Variants in AGMO observed in about 807,000 individuals in gnomAD.
AGMO encodes the protein alkylglycerol monooxygenase.
In AGMO, 75 loss-of-function variants were observed where a neutral mutation model predicts 60.2. The observed-to-expected ratio is 1.25, with a 90% CI of 1.03 to 1.51. The LOEUF (loss-of-function observed/expected upper bound fraction) is 1.51, where lower values mean the gene tolerates loss of function less well. Among genes scored for constraint, AGMO ranks in the 40% most tolerant of loss-of-function variants. AGMO has a pLI of 0.00. For synonymous variants in AGMO, 261 were observed against 177.1 expected, an observed-to-expected ratio of 1.47 and a Z score of -3.76; for missense variants, 763 against 525.5, an observed-to-expected ratio of 1.45 and a Z score of -4.42.
At chr7:15,285,596 T>G (rs1366689558) in intron 12 of AGMO, among the ~76,000 whole-genome samples, 1 of 152,164 alleles carries the variant, frequency 6.6e-6, no homozygotes, top group South Asian at 2.1e-4. Context: ...TGGAAACATA[T>G]CCCAGGCCCT....
At chr7:15,462,971 C>A (rs73290415) in intron 3 of AGMO, among the ~76,000 whole-genome samples, 3,623 of 152,204 alleles carry the variant, frequency 0.024, 149 homozygotes, top group African/African-American at 0.081. Flanking sequence ...AGGAAGGACC[C>A]TTTGCCCAGA....
the AGMO span, among the ~76,000 whole-genome samples, chr7:15,176,347 G>C: frequency 6.6e-6 from 1 of 151,842 alleles, no homozygotes; most frequent in Non-Finnish European, 1.5e-5. Flanking sequence ...AACTGACTCA[G>C]TTTTTCCCTT....
At chr7:15,244,192 T>A (rs149601480) in intron 12 of AGMO, among the ~76,000 whole-genome samples, 2,370 of 149,274 alleles carry the variant, frequency 0.016, 72 homozygotes, top group African/African-American at 0.053. Flanking sequence ...AATAGAAGGA[T>A]ACAAAGCATA....
the AGMO span, among the ~76,000 whole-genome samples, chr7:15,133,323 G>C: frequency 6.6e-6 from 1 of 152,144 alleles, no homozygotes; most frequent in Non-Finnish European, 1.5e-5. Context: ...CTCAGGTAAA[G>C]ACAAAATGAA....
chr7:15,464,906 G>A (rs912373749), intron 3 of AGMO, among the ~76,000 whole-genome samples: 19 of 152,160 alleles, frequency 1.2e-4, no homozygotes, highest in African/African-American at 4.3e-4. Flanking sequence ...AATAACATAA[G>A]ATGAGGCAAT....
chr7:15,138,933 C>T, the AGMO span, among the ~76,000 whole-genome samples: 1 of 152,090 alleles, frequency 6.6e-6, no homozygotes, highest in Non-Finnish European at 1.5e-5. Context: ...ATATACATTA[C>T]ATATATCACA....
At chr7:15,523,683 G>A (rs561540174) in intron 3 of AGMO, among the ~76,000 whole-genome samples, 8 of 152,166 alleles carry the variant, frequency 5.3e-5, no homozygotes, top group South Asian at 2.1e-4. Flanking sequence ...GGCCTGTCTG[G>A]TGGTGGAGTC....
intron 12 of AGMO, among the ~76,000 whole-genome samples, chr7:15,237,986 C>T (rs968261199): frequency 1.3e-5 from 2 of 152,082 alleles, no homozygotes; most frequent in South Asian, 2.1e-4. Context: ...AGAAGCCTAA[C>T]TTTGATTAGT....
intron 12 of AGMO, among the ~76,000 whole-genome samples, chr7:15,278,276 G>A (rs1157932008): frequency 6.6e-6 from 1 of 152,106 alleles, no homozygotes; most frequent in Non-Finnish European, 1.5e-5. Flanking sequence ...ATGTGGGTGG[G>A]CATTAGCTGA....
At chr7:15,277,263 C>A (rs1436001743) in intron 12 of AGMO, among the ~76,000 whole-genome samples, 1 of 151,568 alleles carries the variant, frequency 6.6e-6, no homozygotes, top group Non-Finnish European at 1.5e-5. Flanking sequence ...ACAGATCATG[C>A]CATTGCACTC....
chr7:15,372,756 C>T (rs1051409335), intron 10 of AGMO, among the ~76,000 whole-genome samples: 1 of 152,038 alleles, frequency 6.6e-6, no homozygotes, highest in Non-Finnish European at 1.5e-5. Flanking sequence ...TTTATTTTTT[C>T]ATTTAATTTA....
At chr7:15,489,876 A>G (rs1368411638) in intron 3 of AGMO, among the ~76,000 whole-genome samples, 2 of 152,240 alleles carry the variant, frequency 1.3e-5, no homozygotes, top group Non-Finnish European at 2.9e-5. Flanking sequence ...AAAGGTAACA[A>G]TATTTCAACA....
At chr7:15,477,376 C>T (rs1273303318) in intron 3 of AGMO, among the ~76,000 whole-genome samples, 1 of 152,062 alleles carries the variant, frequency 6.6e-6, no homozygotes, top group African/African-American at 2.4e-5. Flanking sequence ...ATACTTGTTA[C>T]ATACACAGTC....
At chr7:15,330,947 G>A (rs1312037769) in intron 12 of AGMO, among the ~76,000 whole-genome samples, 1 of 152,110 alleles carries the variant, frequency 6.6e-6, no homozygotes, top group Non-Finnish European at 1.5e-5. Flanking sequence ...GTGACCTACA[G>A]AATATCATGG....
intron 10 of AGMO, among the ~76,000 whole-genome samples, chr7:15,381,610 G>C (rs1212623727): frequency 2.0e-5 from 3 of 152,130 alleles, no homozygotes; most frequent in Non-Finnish European, 2.9e-5. Context: ...GTGGAAGACA[G>C]TGTGGAATTC....
chr7:15,119,774 G>C, the AGMO span, among the ~76,000 whole-genome samples: 5 of 151,904 alleles, frequency 3.3e-5, no homozygotes, highest in Non-Finnish European at 7.4e-5. Context: ...TTTTCCCCTA[G>C]CCTCAATCTG....
chr7:15,460,488 C>T (rs1304952239), intron 3 of AGMO, among the ~76,000 whole-genome samples: 1 of 151,916 alleles, frequency 6.6e-6, no homozygotes, highest in Non-Finnish European at 1.5e-5. Flanking sequence ...AGAATATATT[C>T]ATTATTATGA....
the AGMO span, among the ~76,000 whole-genome samples, chr7:15,138,961 TTAA>T: frequency 2.0e-5 from 3 of 152,160 alleles, no homozygotes; most frequent in Non-Finnish European, 2.9e-5. Context: ...CTTATAAAGC[TTAA>T]TAATAAAATA....
intron 3 of AGMO, among the ~76,000 whole-genome samples, chr7:15,473,590 C>A (rs1782513189): frequency 6.6e-6 from 1 of 152,026 alleles, no homozygotes; most frequent in Admixed American, 6.6e-5. Flanking sequence ...TTATGGCAAA[C>A]CCACAGCCAA....
Sources: gnomAD v4.1 joint callset for allele counts (sites outside exome capture counted in the v4.1 genomes callset) on GRCh38, gnomAD v4.1.1 for gene constraint, MANE v1.5 for transcripts, NCBI Gene and HGNC (gene_info 2026-07-23, HGNC 2026-07-21) for gene names.